The following GXYLT1 variants were observed in gnomAD, a reference collection of about 807,000 sequenced individuals.
GXYLT1 encodes the protein glucoside xylosyltransferase 1, also known as glycosyltransferase 8 domain containing 3.
GXYLT1 carries 29 observed loss-of-function variants against 54.0 expected under a neutral mutation model. The observed-to-expected ratio is 0.54, with a 90% CI of 0.40 to 0.73. The LOEUF (loss-of-function observed/expected upper bound fraction) is 0.73, where lower values mean the gene tolerates loss of function less well. Ranked by LOEUF, GXYLT1 falls within the 30% of genes least tolerant of loss-of-function variation. The pLI, the probability that GXYLT1 is intolerant of heterozygous loss-of-function variation, is 0.00. For synonymous variants in GXYLT1, 176 were observed against 204.1 expected (o/e 0.86, Z 1.17); for missense variants, 490 against 553.4 (o/e 0.89, Z 1.15).
intron 3 of GXYLT1, among the ~76,000 whole-genome samples, chr12:42,116,017 C>A (rs1454509948): frequency 1.3e-5 from 2 of 151,802 alleles, no homozygotes; most frequent in Non-Finnish European, 2.9e-5. Context: ...CTGACAAAAA[C>A]AAGCAATGGG....
chr12:42,144,320 A>AAGACGCGGG lies in GXYLT1; in HGVS notation c.221+97_221+105dup. 4.5e-6 allele frequency: 3 copies of AAGACGCGGG among 674,090 alleles called. No individual in the cohort carries two copies. The South Asian group carries it at 7.6e-5, about 17-fold the overall frequency. The allele number at this position is 674,090 out of a possible 1,614,324, so 41.8% of individuals were successfully genotyped here. A position where few individuals can be genotyped will look rare whatever the true frequency, so the allele number is the denominator to read the frequency against. ...GAGTGAGGGGTCAGAGACAGGAGGA[A>AAGACGCGGG]AGACGCGGGAGACGCGGCACCCACC... On this transcript the variant is annotated intron_variant, in intron 1 of 7. Coordinates refer to ENST00000398675, the MANE Select transcript of GXYLT1 (RefSeq NM_173601.2).
At chr12:42,098,784 T>TATATATATATATATATATATATATAA (rs1017764424) in intron 5 of GXYLT1, among the ~76,000 whole-genome samples, 13 of 134,394 alleles carry the variant, frequency 9.7e-5, no homozygotes, top group Admixed American at 4.5e-4. Flanking sequence ...TATATATATA[T>TATATATATATATATATATATATATAA]AATACATGTG....
chr12:42,108,255 G>A (rs149994446), intron 4 of GXYLT1, among the ~76,000 whole-genome samples: 1 of 152,164 alleles, frequency 6.6e-6, no homozygotes, highest in Non-Finnish European at 1.5e-5. Flanking sequence ...ATGGTGCCAA[G>A]TGTTAATAAA....
intron 2 of GXYLT1, among the ~76,000 whole-genome samples, chr12:42,121,549 G>A (rs2065531629): frequency 1.3e-5 from 2 of 151,970 alleles, no homozygotes; most frequent in South Asian, 2.1e-4. Context: ...AGGGTTGCTC[G>A]AGTCCAGGAG....
At chr12:42,135,797 G>A (rs2065616532) in intron 1 of GXYLT1, among the ~76,000 whole-genome samples, 2 of 152,196 alleles carry the variant, frequency 1.3e-5, no homozygotes, top group South Asian at 4.1e-4. Flanking sequence ...GGGGGACTGA[G>A]GAGTGCAAGG....
chr12:42,144,808 C>T lies in GXYLT1; in HGVS notation c.-162G>A. 2 of 441,624 alleles carry T rather than the reference C, an allele frequency of 4.5e-6. No individual in the cohort carries two copies. Among genetic ancestry groups the T allele is most frequent in the East Asian group, 4.0e-5 (1 of 24,898 alleles). The allele number at this position is 441,624 out of a possible 1,614,324, so 27.4% of individuals were successfully genotyped here. A position where few individuals can be genotyped will look rare whatever the true frequency, so the allele number is the denominator to read the frequency against. ...CCTTCCTTCCCTCCCCGCCCACCAC[C>T]TAGGCGAGCGCAGTCGCGGCTCCGG... On this transcript the variant is annotated 5_prime_UTR_variant, in exon 1 of 8. Coordinates refer to ENST00000398675, the MANE Select transcript of GXYLT1 (RefSeq NM_173601.2).
intron 7 of GXYLT1, among the ~76,000 whole-genome samples, chr12:42,088,175 G>A (rs2136869470): frequency 1.3e-5 from 2 of 152,046 alleles, no homozygotes; most frequent in South Asian, 4.2e-4. Flanking sequence ...TGGAGAACAT[G>A]CGCAAGGGCA....
chr12:42,107,439 C>T (rs2065427674), intron 4 of GXYLT1, among the ~76,000 whole-genome samples: 1 of 152,200 alleles, frequency 6.6e-6, no homozygotes, highest in Non-Finnish European at 1.5e-5. Context: ...GCCTGTAATC[C>T]TAGCACTTTG....
Position 42,144,726 on chromosome 12 carries a change from G to T in GXYLT1, c.-80C>A. 8.8e-7 allele frequency: 1 copy of T among 1,136,748 alleles called. No individual in the cohort carries two copies. Among genetic ancestry groups the T allele is most frequent in the Non-Finnish European group, 1.1e-6 (1 of 880,220 alleles). The allele number at this position is 1,136,748 out of a possible 1,614,324, so 70.4% of individuals were successfully genotyped here. ...GGAGCGGAGGGAGGGGCACCGCGCA[G>T]CCGCGGGCGCAACAAGTTCCTCACC... On this transcript the variant is annotated 5_prime_UTR_variant, in exon 1 of 8. It adds an upstream start codon to the 5' untranslated region. Coordinates refer to ENST00000398675, the MANE Select transcript of GXYLT1 (RefSeq NM_173601.2).
At position 42,126,177 on chromosome 12, in the gene GXYLT1, G is replaced by A. The variant is rs575355231; in HGVS notation, c.314+3582C>T. On this transcript the variant is annotated intron_variant, in intron 2 of 7. Coordinates refer to ENST00000398675, the MANE Select transcript of GXYLT1 (RefSeq NM_173601.2). ...CAACCTCTCCCTCCCGGGTTCAAGC[G>A]ATTCTCGTGCCTCAGTCTCCCAAGT... is the stretch of plus-strand genomic sequence containing the variant. Among the ~76,000 whole-genome samples the A allele has an allele frequency of 4.0e-5, 6 of 151,820 alleles. No individual in the cohort carries two copies. The East Asian group carries it at 7.8e-4, about 20-fold the overall frequency.
intron 1 of GXYLT1, 24 bp from the exon 2 acceptor site, chr12:42,129,875 G>C (rs1457265077): frequency 6.7e-7 from 1 of 1,482,760 alleles, no homozygotes. Context: ...ACAGAAATAA[G>C]AGTCCTGTGT....
Position 42,087,806 on chromosome 12 carries a change from T to C in GXYLT1, c.1303A>G (p.Arg435Gly). The change falls in exon 8 of 8, where the codon AGA becomes GGA. Residue 435 changes from arginine (R) to glycine (G), a missense_variant. Physicochemically the swap from Arg to Gly is moderately radical, Grantham distance 125. Transcript: ENST00000398675. ...LAKSVRDRYA[R>G]SPKEK ...AAGAATCACTTTTCCTTTGGTGATCTGGCATAACGATCTCTTACACTTTTT... is the reference window on the plus strand; with the variant it reads ...AAGAATCACTTTTCCTTTGGTGATCCGGCATAACGATCTCTTACACTTTTT... The C allele has an allele frequency of 6.2e-7, 1 of 1,604,122 alleles. No homozygotes were observed. Among genetic ancestry groups the C allele is most frequent in the Non-Finnish European group, 8.5e-7 (1 of 1,176,800 alleles).
rs1006061896 is a variant in GXYLT1, at chr12:42,144,703, A to G, written c.-57T>C. ...CGCCGCGCCCGCCCCGACGAACTGG[A>G]GCGGAGGGAGGGGCACCGCGCAGCC... is the stretch of plus-strand genomic sequence containing the variant. On this transcript the variant is annotated 5_prime_UTR_variant, in exon 1 of 8. Transcript: ENST00000398675. The G allele has an allele frequency of 4.3e-6, 5 of 1,152,092 alleles. No homozygotes were observed. The highest frequency in any genetic ancestry group is 5.8e-6 in the Non-Finnish European group (5 of 863,056). The allele number at this position is 1,152,092 out of a possible 1,614,324, so 71.4% of individuals were successfully genotyped here. A position where few individuals can be genotyped will look rare whatever the true frequency, so the allele number is the denominator to read the frequency against.
chr12:42,141,508 A>T (rs2065652230), intron 1 of GXYLT1, among the ~76,000 whole-genome samples: 1 of 152,188 alleles, frequency 6.6e-6, no homozygotes, highest in African/African-American at 2.4e-5. Context: ...CAGTATACCT[A>T]AAATGTGCTA....
intron 3 of GXYLT1, among the ~76,000 whole-genome samples, chr12:42,116,872 C>G (rs9739472): frequency 0.51 from 78,138 of 151,898 alleles, 20,547 homozygotes; most frequent in South Asian, 0.7. Flanking sequence ...AGACTTGGAA[C>G]CAACCTAAAT....
At chr12:42,101,310 T>C (rs1162234283) in intron 5 of GXYLT1, among the ~76,000 whole-genome samples, 1 of 152,134 alleles carries the variant, frequency 6.6e-6, no homozygotes, top group Non-Finnish European at 1.5e-5. Context: ...TAAGAAAAGA[T>C]TTTTAACCAC....
chr12:42,088,793 G>A (rs912661396), intron 7 of GXYLT1, among the ~76,000 whole-genome samples: 1 of 150,312 alleles, frequency 6.7e-6, no homozygotes, highest in Non-Finnish European at 1.5e-5. Flanking sequence ...GTTGAAGTTG[G>A]TGAAAAATGC....
In GXYLT1 at chr12:42,143,646, C is replaced by T. The variant is rs184825961; in HGVS notation, c.221+780G>A. The stretch of plus-strand genomic sequence containing the variant: ...TCCATGTTGCAAGGCAGTGCAAACG[C>T]TCAGATTTCAAGCATTCATAATGCG... On this transcript the variant is annotated intron_variant, in intron 1 of 7. Coordinates refer to ENST00000398675, the MANE Select transcript of GXYLT1 (RefSeq NM_173601.2). Among the ~76,000 whole-genome samples the T allele has an allele frequency of 1.3e-3, 191 of 152,286 alleles. 1 individual carries two copies. The highest frequency in any genetic ancestry group is 2.1e-3 in the Non-Finnish European group (146 of 68,020).
chr12:42,128,395 A>T (rs954510663), intron 2 of GXYLT1, among the ~76,000 whole-genome samples: 3 of 152,178 alleles, frequency 2.0e-5, no homozygotes, highest in South Asian at 2.1e-4. Flanking sequence ...TTAAAAATAA[A>T]TTTTTTAATT....
Sources: gnomAD v4.1 joint callset for allele counts (sites outside exome capture counted in the v4.1 genomes callset) on GRCh38, gnomAD v4.1.1 for gene constraint, MANE v1.5 for transcripts, NCBI Gene and HGNC (gene_info 2026-07-23, HGNC 2026-07-21) for gene names.